The following UQCC6 variants were observed in gnomAD, a reference collection of about 807,000 sequenced individuals.
The protein encoded by UQCC6 is protein BRAWNIN.
At chr12:103,958,375 G>A in the UQCC6 span, among the ~76,000 whole-genome samples, 1 of 152,070 alleles carries the variant, frequency 6.6e-6, no homozygotes. Flanking sequence ...TTTGACATAT[G>A]TGAGACCATT....
chr12:103,956,663 C>CT, the UQCC6 span: 1 of 1,551,744 alleles, frequency 6.4e-7, no homozygotes, highest in Non-Finnish European at 8.7e-7. Context: ...TGCACCACTT[C>CT]TGCCCCTGCG....
the UQCC6 span, chr12:103,951,642 AC>A: frequency 6.9e-7 from 1 of 1,451,550 alleles, no homozygotes; most frequent in African/African-American, 1.4e-5. Flanking sequence ...TGCAAAAAAA[AC>A]AAAACAAAAA....
the UQCC6 span, among the ~76,000 whole-genome samples, chr12:103,961,999 G>C: frequency 6.6e-6 from 1 of 152,158 alleles, no homozygotes; most frequent in Admixed American, 6.5e-5. Context: ...ATATAGCCTA[G>C]GTATACAGTA....
At chr12:103,964,930 G>A in the UQCC6 span, among the ~76,000 whole-genome samples, 1 of 152,122 alleles carries the variant, frequency 6.6e-6, no homozygotes, top group East Asian at 1.9e-4. Context: ...CTGGATCCTA[G>A]AATGAAGAAA....
At chr12:103,956,362 C>T in the UQCC6 span, 1 of 326,262 alleles carries the variant, frequency 3.1e-6, no homozygotes, top group South Asian at 6.1e-5. Flanking sequence ...AAAATGGTGG[C>T]AGATAGGCCA....
chr12:103,964,037 TGA>T, the UQCC6 span, among the ~76,000 whole-genome samples: 3 of 151,692 alleles, frequency 2.0e-5, no homozygotes, highest in South Asian at 4.1e-4. Flanking sequence ...TGCAGGATGT[TGA>T]GAGAGAGACA....
chr12:103,960,885 AAT>A, the UQCC6 span, among the ~76,000 whole-genome samples: 1 of 152,210 alleles, frequency 6.6e-6, no homozygotes, highest in Admixed American at 6.5e-5. Flanking sequence ...TTGATAATAA[AAT>A]GTTACTAATA....
At chr12:103,955,000 A>G in the UQCC6 span, 1 of 700,134 alleles carries the variant, frequency 1.4e-6, no homozygotes, top group Non-Finnish European at 2.6e-6. Flanking sequence ...TCAAAATTGT[A>G]GTGACAATTA....
chr12:103,953,526 CCA>C, the UQCC6 span: 1 of 702,374 alleles, frequency 1.4e-6, no homozygotes, highest in South Asian at 1.5e-5. Context: ...GACTTGTGAT[CCA>C]GTTTTGCTAC....
chr12:103,957,008 G>C, the UQCC6 span: 1 of 476,488 alleles, frequency 2.1e-6, no homozygotes, highest in South Asian at 2.6e-5. Flanking sequence ...CGGCATTAAA[G>C]GGAGCTCTTG....
At chr12:103,962,114 G>C in the UQCC6 span, among the ~76,000 whole-genome samples, 1 of 152,076 alleles carries the variant, frequency 6.6e-6, no homozygotes, top group Non-Finnish European at 1.5e-5. Context: ...ATATTTTCTT[G>C]TGCTTCTATT....
the UQCC6 span, chr12:103,950,275 GT>G: frequency 6.6e-6 from 1 of 152,236 alleles, no homozygotes; most frequent in East Asian, 1.9e-4. Context: ...CTGAGGTGCA[GT>G]TTAGCAGGGG....
chr12:103,953,274 T>C, the UQCC6 span: 3 of 693,150 alleles, frequency 4.3e-6, no homozygotes, highest in Non-Finnish European at 7.9e-6. Context: ...TGGATGTACC[T>C]TTCAAGTTAA....
chr12:103,956,727 G>C, the UQCC6 span: 3 of 1,551,268 alleles, frequency 1.9e-6, no homozygotes, highest in Non-Finnish European at 2.6e-6. Context: ...ACATGGGCAC[G>C]CCCGCGGGCA....
chr12:103,961,180 T>TA, the UQCC6 span, among the ~76,000 whole-genome samples: 21 of 148,588 alleles, frequency 1.4e-4, no homozygotes, highest in South Asian at 1.3e-3. Flanking sequence ...TTTTTAAAAG[T>TA]AAAAAAAAAA....
At chr12:103,960,584 CAA>C in the UQCC6 span, among the ~76,000 whole-genome samples, 1 of 152,076 alleles carries the variant, frequency 6.6e-6, no homozygotes, top group Non-Finnish European at 1.5e-5. Flanking sequence ...GAAAAAAACA[CAA>C]AAACATAAAA....
chr12:103,959,406 T>C, the UQCC6 span, among the ~76,000 whole-genome samples: 1 of 152,152 alleles, frequency 6.6e-6, no homozygotes, highest in Non-Finnish European at 1.5e-5. Context: ...GGAAGGTGTA[T>C]ATTTAACTTT....
the UQCC6 span, among the ~76,000 whole-genome samples, chr12:103,952,215 T>C: frequency 1.3e-5 from 2 of 152,320 alleles, no homozygotes; most frequent in East Asian, 1.9e-4. Flanking sequence ...CACATAGCCA[T>C]AGATAACTAT....
At chr12:103,962,065 A>T in the UQCC6 span, among the ~76,000 whole-genome samples, 1 of 152,146 alleles carries the variant, frequency 6.6e-6, no homozygotes, top group Non-Finnish European at 1.5e-5. Context: ...ACAATGAAAA[A>T]ATCACCTAGT....
Sources: gnomAD v4.1 joint callset for allele counts (sites outside exome capture counted in the v4.1 genomes callset) on GRCh38, gnomAD v4.1.1 for gene constraint, MANE v1.5 for transcripts, NCBI Gene and HGNC (gene_info 2026-07-23, HGNC 2026-07-21) for gene names.